Variants in TMEM232 observed in about 807,000 individuals in gnomAD.
TMEM232 encodes transmembrane protein 232.
TMEM232 carries 80 observed loss-of-function variants against 78.8 expected under a neutral mutation model. The observed-to-expected ratio is 1.01, with a 90% CI of 0.85 to 1.22. The LOEUF (loss-of-function observed/expected upper bound fraction) is 1.22, where lower values mean the gene tolerates loss of function less well. TMEM232 is among the 50% of genes most tolerant of loss of function. The probability of loss-of-function intolerance (pLI) is 0.00; values close to 1 mark genes in which losing one functional copy is unlikely to be tolerated. For synonymous variants in TMEM232, 297 were observed against 254.3 expected (o/e 1.17, Z -1.60); for missense variants, 881 against 742.2 (o/e 1.19, Z -2.17).
intron 12 of TMEM232, among the ~76,000 whole-genome samples, chr5:110,503,015 C>G (rs1455641846): frequency 6.6e-6 from 1 of 152,138 alleles, no homozygotes; most frequent in African/African-American, 2.4e-5. Flanking sequence ...AGGTTATAAG[C>G]TATGTAAAGT....
In TMEM232 at chr5:110,605,311, G is replaced by A. The variant is rs6861741; in HGVS notation, c.1074C>T (p.Val358=). 8.7e-3 allele frequency: 13,417 copies of A among 1,550,308 alleles called. 1,010 individuals are homozygous for A. The African/African-American group carries it at 0.16, about 18-fold the overall frequency. Residue 358 remains valine (V), a synonymous_variant, in exon 10 of 14, where the codon GTC becomes GTT. Transcript: ENST00000455884. ...VDDFSWAWNV[V]YIYTVILAEI... is the part of the protein sequence containing the mutation. ...CTGCAAGAATTACTGTATATATGTA[G>A]ACTACATTCCAGGCCCAGGAAAAAT...
At chr5:110,659,155 G>A (rs534610516) in intron 2 of TMEM232, among the ~76,000 whole-genome samples, 2 of 152,274 alleles carry the variant, frequency 1.3e-5, no homozygotes, top group East Asian at 3.9e-4. Context: ...TCAAGTCTGA[G>A]TGACCAAAGT....
rs141757047 is a variant in TMEM232, at chr5:110,610,906, C to T, written c.903-4619G>A. ...GCCAAGGTTCGTATATAATCTTGGC[C>T]TTACCTAAGTAATCATAAAACATAC... On this transcript the variant is annotated intron_variant, in intron 8 of 13. Coordinates refer to ENST00000455884, the MANE Select transcript of TMEM232 (RefSeq NM_001039763.4). 3.1e-3 allele frequency among the ~76,000 whole-genome samples: 471 copies of T among 152,150 alleles called. 1 individual carries two copies. The highest frequency in any genetic ancestry group is 0.011 in the African/African-American group (455 of 41,522).
At chr5:110,630,266 C>G (rs1784946942) in intron 5 of TMEM232, among the ~76,000 whole-genome samples, 2 of 152,158 alleles carry the variant, frequency 1.3e-5, no homozygotes, top group Non-Finnish European at 2.9e-5. Flanking sequence ...ACTAGAGACA[C>G]TGCATACTCA....
rs186082707 is a variant in TMEM232, at chr5:110,691,760, A to G, written c.-12-24396T>C. On this transcript the variant is annotated intron_variant, in intron 1 of 13. Coordinates refer to ENST00000455884, the MANE Select transcript of TMEM232 (RefSeq NM_001039763.4). ...ATTTTACCCTACATACCGTAACCAC[A>G]TATTTGCTTTATCTTACATGTAATG... is the stretch of plus-strand genomic sequence containing the variant. 3.5e-4 allele frequency among the ~76,000 whole-genome samples: 53 copies of G among 152,350 alleles called. No homozygotes were observed. In the East Asian group the frequency reaches 9.8e-3, roughly 28 times the overall value.
chr5:110,420,687 TTTTATC>T lies in TMEM232; in HGVS notation c.1861_1866del (p.Asp621_Lys622del), dbSNP rs777508057. 72 of 1,527,108 alleles carry T rather than the reference TTTTATC, an allele frequency of 4.7e-5. No homozygotes were observed. In the African/African-American group the frequency reaches 7.9e-4, roughly 17 times the overall value. The allele number at this position is 1,527,108 out of a possible 1,614,324, so 94.6% of individuals were successfully genotyped here. ...TGAAAGTGATTTTTCTCTGCTAACT[TTTTATC>T]TTTAAGTTCTTGGGCCTTGCATATT... On this transcript the variant is annotated inframe_deletion, in exon 14 of 14. Coordinates refer to ENST00000455884, the MANE Select transcript of TMEM232 (RefSeq NM_001039763.4).
intron 12 of TMEM232, among the ~76,000 whole-genome samples, chr5:110,495,627 A>G (rs896225670): frequency 3.9e-5 from 6 of 151,926 alleles, no homozygotes; most frequent in African/African-American, 1.4e-4. Flanking sequence ...AAAAAACTAG[A>G]CGAGGTCAGA....
At chr5:110,552,147 C>T (rs945001581) in intron 11 of TMEM232, among the ~76,000 whole-genome samples, 1 of 151,872 alleles carries the variant, frequency 6.6e-6, no homozygotes, top group African/African-American at 2.4e-5. Flanking sequence ...ATGCATAAAA[C>T]AATAAATGTT....
downstream of TMEM232, among the ~76,000 whole-genome samples, chr5:110,414,799 A>G (rs1756127700): frequency 6.6e-6 from 1 of 152,084 alleles, no homozygotes; most frequent in South Asian, 2.1e-4. Flanking sequence ...AGTAGATGGG[A>G]GCCCGTGTCC....
intron 1 of TMEM232, among the ~76,000 whole-genome samples, chr5:110,720,271 G>C (rs973819054): frequency 6.6e-6 from 1 of 152,174 alleles, no homozygotes; most frequent in East Asian, 1.9e-4. Flanking sequence ...AGGGAAATTA[G>C]GGTATCAATA....
chr5:110,405,451 C>T (rs1414014329), intron 2 of TMEM232, among the ~76,000 whole-genome samples: 1 of 151,198 alleles, frequency 6.6e-6, no homozygotes, highest in African/African-American at 2.4e-5. Flanking sequence ...ATAAATTGAG[C>T]TAGAAATTTC....
At chr5:110,657,381 C>A (rs990343914) in intron 2 of TMEM232, among the ~76,000 whole-genome samples, 1 of 75,426 alleles carries the variant, frequency 1.3e-5, no homozygotes, top group Non-Finnish European at 3.1e-5. Context: ...GGATATCTAT[C>A]TGAGTGTGTG....
chr5:110,399,918 C>G (rs1755530912), intron 2 of TMEM232, among the ~76,000 whole-genome samples: 1 of 152,224 alleles, frequency 6.6e-6, no homozygotes, highest in South Asian at 2.1e-4. Context: ...TGATGTTTGA[C>G]AGGACACCTT....
chr5:110,701,629 A>G (rs1795449764), intron 1 of TMEM232, among the ~76,000 whole-genome samples: 1 of 152,062 alleles, frequency 6.6e-6, no homozygotes. Context: ...TAGCATACCA[A>G]TAGACCCTGT....
intron 2 of TMEM232, among the ~76,000 whole-genome samples, chr5:110,661,756 A>T (rs1048635963): frequency 6.6e-6 from 1 of 152,176 alleles, no homozygotes; most frequent in African/African-American, 2.4e-5. Flanking sequence ...GCTAATTTAC[A>T]TTCCCACCAA....
At chr5:110,429,058 G>A (rs1157270724) in intron 12 of TMEM232, among the ~76,000 whole-genome samples, 4 of 151,800 alleles carry the variant, frequency 2.6e-5, no homozygotes, top group Non-Finnish European at 2.9e-5. Context: ...GCAAGGGGAA[G>A]TTGTTATTAG....
At chr5:110,461,747 A>G (rs1054261810) in intron 12 of TMEM232, among the ~76,000 whole-genome samples, 8 of 152,184 alleles carry the variant, frequency 5.3e-5, no homozygotes, top group Admixed American at 3.3e-4. Context: ...CCATTCCAAA[A>G]GTTCTAGGGC....
chr5:110,559,314 C>T (rs897293310), intron 11 of TMEM232, among the ~76,000 whole-genome samples: 2 of 151,654 alleles, frequency 1.3e-5, no homozygotes, highest in Non-Finnish European at 2.9e-5. Flanking sequence ...ACAAGTAAAC[C>T]CTAATAATAA....
chr5:110,492,061 T>C (rs1765160417), intron 12 of TMEM232, among the ~76,000 whole-genome samples: 1 of 151,788 alleles, frequency 6.6e-6, no homozygotes, highest in East Asian at 1.9e-4. Context: ...AAACAGATCA[T>C]TCCAATTGTA....
Sources: allele counts gnomAD v4.1 joint callset (sites outside exome capture counted in the v4.1 genomes callset), GRCh38; gene constraint gnomAD v4.1.1; transcripts MANE v1.5; gene names NCBI Gene and HGNC (gene_info 2026-07-23, HGNC 2026-07-21).